The following LARGE1 variants were observed in gnomAD, a reference collection of about 807,000 sequenced individuals.
LARGE1 encodes the protein xylosyl- and glucuronyltransferase LARGE1.
LARGE1 carries 43 observed loss-of-function variants against 87.6 expected under a neutral mutation model. The ratio of observed to expected loss-of-function variants is 0.49; its 90% CI spans 0.38 to 0.63. The LOEUF is 0.63. LARGE1 is among the 30% of genes least tolerant of loss of function. The pLI is 0.00. For missense variants in LARGE1, 802 were observed against 1,000.2 expected (o/e 0.80, Z 2.67); for synonymous variants, 434 against 394.6 (o/e 1.10, Z -1.18).
chr22:33,107,316 C>T, the LARGE1 span, among the ~76,000 whole-genome samples: 10 of 152,342 alleles, frequency 6.6e-5, no homozygotes, highest in East Asian at 1.9e-3. Context: ...GTAATCCCAG[C>T]CCTTTGGGAG....
intron 3 of LARGE1, among the ~76,000 whole-genome samples, chr22:33,634,044 GT>G (rs2080190563): frequency 6.6e-6 from 1 of 152,224 alleles, no homozygotes; most frequent in Non-Finnish European, 1.5e-5. Flanking sequence ...TACCGATTGG[GT>G]TGTGTCAGGA....
rs564427765 is a variant in LARGE1 at position 33,329,174 on chromosome 22, G to A, written c.1287+8472C>T. Among the ~76,000 whole-genome samples the A allele has an allele frequency of 8.9e-4, 136 of 152,314 alleles. 1 individual carries two copies. In the South Asian group the frequency reaches 0.015, roughly 16 times the overall value. ...ACCAATACTGATTACTCAGAGTGCTGTTTTGAGGAGGATAAAGAAGCTGGG... is the reference window on the plus strand; with the variant it reads ...ACCAATACTGATTACTCAGAGTGCTATTTTGAGGAGGATAAAGAAGCTGGG... On this transcript the variant is annotated intron_variant, in intron 10 of 14. Transcript: ENST00000397394.
intron 6 of LARGE1, among the ~76,000 whole-genome samples, chr22:33,543,251 G>A (rs1466492308): frequency 6.6e-6 from 1 of 151,924 alleles, no homozygotes; most frequent in African/African-American, 2.4e-5. Context: ...AGCCCAAGTA[G>A]TACTACTTAA....
intron 1 of LARGE1, among the ~76,000 whole-genome samples, chr22:33,762,424 A>C (rs955964235): frequency 3.3e-5 from 5 of 152,046 alleles, no homozygotes; most frequent in African/African-American, 9.7e-5. Flanking sequence ...GAGGAGACTG[A>C]GAAAGGCAAT....
At chr22:33,660,953 G>A (rs970230408) in intron 2 of LARGE1, among the ~76,000 whole-genome samples, 44 of 151,956 alleles carry the variant, frequency 2.9e-4, no homozygotes, top group African/African-American at 9.7e-4. Context: ...TTCCAAGAGT[G>A]AGGCGAATCA....
At chr22:33,899,462 A>G (rs1009980663) in intron 1 of LARGE1, among the ~76,000 whole-genome samples, 8 of 152,208 alleles carry the variant, frequency 5.3e-5, no homozygotes, top group Admixed American at 6.5e-5. Context: ...AGTTATACAT[A>G]TGGTAGTTTT....
intron 1 of LARGE1, among the ~76,000 whole-genome samples, chr22:33,785,028 T>C (rs2085564568): frequency 1.3e-5 from 2 of 150,234 alleles, no homozygotes; most frequent in Admixed American, 6.6e-5. Context: ...TACATATGTG[T>C]ATATACATAT....
intron 12 of LARGE1, among the ~76,000 whole-genome samples, chr22:33,298,178 A>G (rs5998858): frequency 0.037 from 5,625 of 152,000 alleles, 266 homozygotes; most frequent in African/African-American, 0.11. Flanking sequence ...TCATTCCCTT[A>G]TTAGTTTGAG....
chr22:33,129,664 T>C, the LARGE1 span, among the ~76,000 whole-genome samples: 8 of 133,142 alleles, frequency 6.0e-5, no homozygotes, highest in African/African-American at 1.9e-4. Flanking sequence ...GACTCACAGT[T>C]CTTCATGGCT....
intron 1 of LARGE1, among the ~76,000 whole-genome samples, chr22:33,840,578 T>C (rs1434779680): frequency 2.0e-5 from 3 of 152,206 alleles, no homozygotes; most frequent in Non-Finnish European, 2.9e-5. Context: ...TAAAGTACTA[T>C]TGGATCTATT....
intron 3 of LARGE1, among the ~76,000 whole-genome samples, chr22:33,626,744 A>C (rs2079934127): frequency 6.6e-6 from 1 of 152,228 alleles, no homozygotes; most frequent in Non-Finnish European, 1.5e-5. Context: ...AAATGTTCCC[A>C]CAAGATGTGT....
downstream of LARGE1, among the ~76,000 whole-genome samples, chr22:33,159,847 A>G (rs1921967137): frequency 2.0e-5 from 3 of 151,870 alleles, no homozygotes; most frequent in Non-Finnish European, 4.4e-5. Context: ...TCAGCCTCCC[A>G]AAGTGCTGGG....
chr22:33,203,805 T>A (rs992068148), intron 11 of LARGE1, among the ~76,000 whole-genome samples: 1 of 152,212 alleles, frequency 6.6e-6, no homozygotes, highest in African/African-American at 2.4e-5. Context: ...GGCTGAAGCA[T>A]CACCTTATCT....
chr22:33,853,388 A>G (rs189593703), intron 1 of LARGE1, among the ~76,000 whole-genome samples: 2 of 152,308 alleles, frequency 1.3e-5, no homozygotes, highest in African/African-American at 2.4e-5. Context: ...CAACTTGCAA[A>G]GTGTTAACTA....
intron 6 of LARGE1, among the ~76,000 whole-genome samples, chr22:33,443,264 C>T (rs2067555260): frequency 1.3e-5 from 2 of 152,192 alleles, no homozygotes; most frequent in Admixed American, 6.5e-5. Flanking sequence ...TTACAAAAGC[C>T]CATGTTTTCA....
intron 7 of LARGE1, among the ~76,000 whole-genome samples, chr22:33,398,541 G>A (rs1872878777): frequency 6.6e-6 from 1 of 152,236 alleles, no homozygotes; most frequent in Admixed American, 6.5e-5. Flanking sequence ...AGATTCCACA[G>A]ATAGTTCCTT....
chr22:33,896,649 A>G (rs999272471), intron 1 of LARGE1, among the ~76,000 whole-genome samples: 6 of 152,154 alleles, frequency 3.9e-5, no homozygotes, highest in African/African-American at 1.4e-4. Context: ...TAGAATGTTC[A>G]AACTTCACAG....
At chr22:33,657,734 T>C (rs2081007970) in intron 2 of LARGE1, among the ~76,000 whole-genome samples, 1 of 152,164 alleles carries the variant, frequency 6.6e-6, no homozygotes, top group African/African-American at 2.4e-5. Flanking sequence ...GATAACATTC[T>C]TCAATCCTAT....
At chr22:33,880,937 A>T (rs986790281) in intron 1 of LARGE1, among the ~76,000 whole-genome samples, 12 of 152,330 alleles carry the variant, frequency 7.9e-5, no homozygotes, top group Admixed American at 5.9e-4. Flanking sequence ...TTTATGTTTA[A>T]TATACTTTGA....
Sources: gnomAD v4.1 joint callset for allele counts (sites outside exome capture counted in the v4.1 genomes callset) on GRCh38, gnomAD v4.1.1 for gene constraint, MANE v1.5 for transcripts, NCBI Gene and HGNC (gene_info 2026-07-23, HGNC 2026-07-21) for gene names.